Variants in TMEM132D observed in about 807,000 individuals in gnomAD.
TMEM132D encodes the protein mature OL transmembrane protein.
TMEM132D carries 21 observed loss-of-function variants against 62.3 expected under a neutral mutation model. The ratio of observed to expected loss-of-function variants is 0.34; its 90% CI spans 0.24 to 0.49. TMEM132D has a LOEUF of 0.49. Among genes scored for constraint, TMEM132D ranks in the 20% least tolerant of loss-of-function variants. The pLI, the probability that TMEM132D is intolerant of heterozygous loss-of-function variation, is 0.99. For synonymous variants in TMEM132D, 621 were observed against 575.6 expected, an observed-to-expected ratio of 1.08 and a Z score of -1.13; for missense variants, 1,346 against 1,402.8, an observed-to-expected ratio of 0.96 and a Z score of 0.65.
chr12:129,313,540 A>G (rs1882032141), intron 4 of TMEM132D, among the ~76,000 whole-genome samples: 1 of 147,152 alleles, frequency 6.8e-6, no homozygotes, highest in Non-Finnish European at 1.5e-5. Flanking sequence ...ACATATATGT[A>G]TATGATATAT....
chr12:129,156,627 C>A (rs942232747), intron 5 of TMEM132D, among the ~76,000 whole-genome samples: 2 of 152,108 alleles, frequency 1.3e-5, no homozygotes, highest in African/African-American at 4.8e-5. Flanking sequence ...AAGTAACCAG[C>A]CCACTCTCAT....
intron 3 of TMEM132D, among the ~76,000 whole-genome samples, chr12:129,436,215 C>T (rs1424476119): frequency 6.6e-6 from 1 of 152,156 alleles, no homozygotes; most frequent in Admixed American, 6.5e-5. Flanking sequence ...GACCATAAAA[C>T]AGTCCTGGAA....
intron 5 of TMEM132D, among the ~76,000 whole-genome samples, chr12:129,112,090 A>G (rs771755596): frequency 1.3e-5 from 2 of 152,136 alleles, no homozygotes; most frequent in Non-Finnish European, 2.9e-5. Flanking sequence ...TTGGAGATTC[A>G]TGCTAGTCAA....
At chr12:129,607,621 A>T (rs1878661643) in intron 2 of TMEM132D, among the ~76,000 whole-genome samples, 1 of 152,232 alleles carries the variant, frequency 6.6e-6, no homozygotes. Context: ...GAGGCCAGAC[A>T]AAGGGCCAAG....
intron 3 of TMEM132D, among the ~76,000 whole-genome samples, chr12:129,365,863 G>A (rs999796197): frequency 6.6e-6 from 1 of 151,866 alleles, no homozygotes; most frequent in Admixed American, 6.6e-5. Flanking sequence ...GTGCCGCAGG[G>A]GGGCAGCCCA....
intron 4 of TMEM132D, among the ~76,000 whole-genome samples, chr12:129,210,697 T>A (rs1879015442): frequency 6.6e-6 from 1 of 152,186 alleles, no homozygotes; most frequent in Non-Finnish European, 1.5e-5. Flanking sequence ...TGCTTTCTGC[T>A]CACCAGCACC....
At chr12:129,278,109 C>T (rs1881046017) in intron 4 of TMEM132D, among the ~76,000 whole-genome samples, 1 of 152,160 alleles carries the variant, frequency 6.6e-6, no homozygotes, top group Non-Finnish European at 1.5e-5. Context: ...CTGCTCACTC[C>T]TTTACATAAG....
intron 3 of TMEM132D, among the ~76,000 whole-genome samples, chr12:129,427,785 A>C (rs940185464): frequency 3.9e-5 from 6 of 152,158 alleles, no homozygotes; most frequent in Non-Finnish European, 7.3e-5. Context: ...CAAACAAAAC[A>C]AAACCAGGTC....
intron 2 of TMEM132D, among the ~76,000 whole-genome samples, chr12:129,536,793 C>T (rs1452271829): frequency 2.0e-5 from 3 of 152,198 alleles, no homozygotes; most frequent in Non-Finnish European, 4.4e-5. Context: ...GAAGAAAGAG[C>T]TAAGCCTAAA....
intron 1 of TMEM132D, among the ~76,000 whole-genome samples, chr12:129,796,129 G>T (rs2137302285): frequency 6.6e-6 from 1 of 152,142 alleles, no homozygotes; most frequent in East Asian, 1.9e-4. Context: ...GAGCCCAGGA[G>T]TTTGAGACCA....
intron 2 of TMEM132D, among the ~76,000 whole-genome samples, chr12:129,543,903 A>G (rs922276562): frequency 6.6e-5 from 10 of 152,214 alleles, no homozygotes; most frequent in Admixed American, 5.9e-4. Context: ...CGATGGACAC[A>G]GAGGTGGTTC....
intron 1 of TMEM132D, among the ~76,000 whole-genome samples, chr12:129,842,987 C>A (rs1256149540): frequency 6.6e-6 from 1 of 152,026 alleles, no homozygotes; most frequent in Non-Finnish European, 1.5e-5. Flanking sequence ...TGTCTCATTA[C>A]AAAAGAGAAC....
At chr12:129,249,425 G>C (rs943677776) in intron 4 of TMEM132D, among the ~76,000 whole-genome samples, 1 of 152,066 alleles carries the variant, frequency 6.6e-6, no homozygotes, top group African/African-American at 2.4e-5. Context: ...GCTCACCATC[G>C]GTCTTGCCCT....
chr12:129,504,927 GTTCAAATAATTT>G (rs1875283883), intron 3 of TMEM132D, among the ~76,000 whole-genome samples: 1 of 152,112 alleles, frequency 6.6e-6, no homozygotes, highest in Non-Finnish European at 1.5e-5. Flanking sequence ...CTGTCGTTCA[GTTCAAATAATTT>G]TTAAATTTCC....
intron 1 of TMEM132D, among the ~76,000 whole-genome samples, chr12:129,718,200 G>A (rs1232067370): frequency 6.6e-6 from 1 of 152,190 alleles, no homozygotes; most frequent in Non-Finnish European, 1.5e-5. Context: ...GGTCCTGTGT[G>A]CAATATTAAG....
chr12:129,363,420 A>T (rs552464903), intron 3 of TMEM132D, among the ~76,000 whole-genome samples: 1 of 152,386 alleles, frequency 6.6e-6, no homozygotes, highest in African/African-American at 2.4e-5. Context: ...AGTAAAAGAA[A>T]TGCTTTACAT....
intron 2 of TMEM132D, among the ~76,000 whole-genome samples, chr12:129,687,719 G>A (rs1880966275): frequency 6.6e-6 from 1 of 152,112 alleles, no homozygotes; most frequent in South Asian, 2.1e-4. Context: ...GCAAAACTCA[G>A]TTTAGGCTTC....
At chr12:129,748,923 G>A (rs1869908397) in intron 1 of TMEM132D, among the ~76,000 whole-genome samples, 1 of 152,172 alleles carries the variant, frequency 6.6e-6, no homozygotes, top group Non-Finnish European at 1.5e-5. Flanking sequence ...CAAACACTGA[G>A]GACATCTGCC....
chr12:129,635,183 T>C (rs1164603070), intron 2 of TMEM132D, among the ~76,000 whole-genome samples: 1 of 152,250 alleles, frequency 6.6e-6, no homozygotes, highest in Non-Finnish European at 1.5e-5. Context: ...GATGTAGTTT[T>C]GCTACCTCAT....
Sources: allele counts gnomAD v4.1 joint callset (sites outside exome capture counted in the v4.1 genomes callset), GRCh38; gene constraint gnomAD v4.1.1; transcripts MANE v1.5; gene names NCBI Gene and HGNC (gene_info 2026-07-23, HGNC 2026-07-21).